BACH2: variants seen among roughly 807,000 people sequenced by gnomAD.
The protein encoded by BACH2 is BACH transcriptional regulator 2.
In BACH2, 5 loss-of-function variants were observed where a neutral mutation model predicts 61.8. The observed-to-expected ratio is 0.08, with a 90% CI of 0.04 to 0.17. BACH2 has a LOEUF of 0.17. BACH2 is among the 10% of genes least tolerant of loss of function. The pLI is 1.00. For missense variants in BACH2, 824 were observed against 1,091.1 expected (o/e 0.76, Z 3.45); for synonymous variants, 446 against 440.1 (o/e 1.01, Z -0.17).
intron 5 of BACH2, among the ~76,000 whole-genome samples, chr6:90,053,926 C>A (rs1780182342): frequency 6.6e-6 from 1 of 152,112 alleles, no homozygotes; most frequent in Non-Finnish European, 1.5e-5. Flanking sequence ...TTTAGATACA[C>A]TGCTTCCTAT....
chr6:90,154,637 C>G (rs1000350328), intron 4 of BACH2, among the ~76,000 whole-genome samples: 1 of 152,156 alleles, frequency 6.6e-6, no homozygotes, highest in African/African-American at 2.4e-5. Context: ...CAGCCTTGCT[C>G]CCAAGGAGCA....
intron 4 of BACH2, among the ~76,000 whole-genome samples, chr6:90,179,464 AG>A (rs1348110712): frequency 6.6e-6 from 1 of 152,186 alleles, no homozygotes; most frequent in African/African-American, 2.4e-5. Context: ...TGGATTTGGA[AG>A]GTTTTCTTCT....
At chr6:90,147,744 A>G (rs1004139413) in intron 4 of BACH2, among the ~76,000 whole-genome samples, 14 of 152,218 alleles carry the variant, frequency 9.2e-5, no homozygotes, top group Non-Finnish European at 1.8e-4. Context: ...AATTGAAAAA[A>G]TAAAGTTATC....
At chr6:90,029,341 G>T (rs1778821932) in intron 5 of BACH2, among the ~76,000 whole-genome samples, 1 of 152,106 alleles carries the variant, frequency 6.6e-6, no homozygotes, top group East Asian at 1.9e-4. Flanking sequence ...GATAAAGACT[G>T]TCTCCCGAGA....
intron 4 of BACH2, among the ~76,000 whole-genome samples, chr6:90,119,242 A>G (rs1228451600): frequency 6.6e-6 from 1 of 152,172 alleles, no homozygotes; most frequent in East Asian, 1.9e-4. Flanking sequence ...CCATGTGGCT[A>G]CATTTTAAAA....
intron 4 of BACH2, among the ~76,000 whole-genome samples, chr6:90,120,285 T>C (rs1783569923): frequency 6.6e-6 from 1 of 152,200 alleles, no homozygotes; most frequent in South Asian, 2.1e-4. Context: ...TTTGGCTTCG[T>C]TTCTTTATTC....
At chr6:90,144,459 GC>G (rs1487830696) in intron 4 of BACH2, among the ~76,000 whole-genome samples, 1 of 152,194 alleles carries the variant, frequency 6.6e-6, no homozygotes, top group African/African-American at 2.4e-5. Context: ...TATCCCTGAG[GC>G]CAGTAAGGCA....
At chr6:90,225,605 A>G (rs1014900843) in intron 3 of BACH2, among the ~76,000 whole-genome samples, 8 of 152,080 alleles carry the variant, frequency 5.3e-5, no homozygotes, top group African/African-American at 1.9e-4. Context: ...CGCATACTGG[A>G]GCCTGTTAGA....
At chr6:90,067,448 C>G (rs1456186161) in intron 5 of BACH2, among the ~76,000 whole-genome samples, 2 of 152,106 alleles carry the variant, frequency 1.3e-5, no homozygotes, top group Non-Finnish European at 2.9e-5. Context: ...CGATCAAACC[C>G]CAGGTGGCAC....
Position 89,932,827 on chromosome 6 carries a change from A to G in BACH2, c.2107T>C (p.Leu703=). 1 of 1,612,784 alleles carries G rather than the reference A, an allele frequency of 6.2e-7. No individual in the cohort carries two copies. The highest frequency in any genetic ancestry group is 8.5e-7 in the Non-Finnish European group (1 of 1,178,926). Residue 703 remains leucine (L), a synonymous_variant, in exon 9 of 9, where the codon TTG becomes CTG. Coordinates refer to ENST00000257749, the MANE Select transcript of BACH2 (RefSeq NM_021813.4). ...NQLKACMGEL[L]DNFSCLSQEV... ...TGGGAAAGGCAGGAGAAGTTGTCCA[A>G]CAGTTCCCCCATGCATGCTTTCAGT... is the stretch of plus-strand genomic sequence containing the variant.
intron 3 of BACH2, among the ~76,000 whole-genome samples, chr6:90,237,458 C>T (rs1274236356): frequency 6.6e-6 from 1 of 152,180 alleles, no homozygotes; most frequent in African/African-American, 2.4e-5. Context: ...CTTTACTTTA[C>T]AAAATGTTTC....
At chr6:90,173,839 T>TGATCATGATC (rs1757177210) in intron 4 of BACH2, among the ~76,000 whole-genome samples, 1 of 152,130 alleles carries the variant, frequency 6.6e-6, no homozygotes. Flanking sequence ...TATACCTTAA[T>TGATCATGATC]AAAGCTAGTA....
chr6:90,113,045 G>C (rs1783243027), intron 4 of BACH2, among the ~76,000 whole-genome samples: 1 of 152,138 alleles, frequency 6.6e-6, no homozygotes, highest in African/African-American at 2.4e-5. Context: ...AATTCAACAA[G>C]AACATCCTAA....
intron 6 of BACH2, among the ~76,000 whole-genome samples, chr6:89,998,585 G>C (rs1160411427): frequency 6.6e-6 from 1 of 152,056 alleles, no homozygotes; most frequent in East Asian, 1.9e-4. Flanking sequence ...CCTGCAATTT[G>C]GTTCAGAACC....
intron 3 of BACH2, among the ~76,000 whole-genome samples, chr6:90,229,392 G>A (rs1345659163): frequency 1.3e-5 from 2 of 152,042 alleles, no homozygotes; most frequent in African/African-American, 2.4e-5. Flanking sequence ...CTTGGGAGGC[G>A]GAGGTTGCGG....
intron 5 of BACH2, among the ~76,000 whole-genome samples, chr6:90,075,621 ATAT>A (rs1173349691): frequency 2.0e-5 from 3 of 152,120 alleles, no homozygotes; most frequent in African/African-American, 4.8e-5. Context: ...CAAATCCAAG[ATAT>A]TATTATCGTA....
At chr6:90,218,622 G>A (rs1248441034) in intron 3 of BACH2, among the ~76,000 whole-genome samples, 1 of 151,964 alleles carries the variant, frequency 6.6e-6, no homozygotes, top group Non-Finnish European at 1.5e-5. Flanking sequence ...CCAGGAGGGA[G>A]GAGAAGAATT....
intron 4 of BACH2, among the ~76,000 whole-genome samples, chr6:90,115,608 G>A (rs1024197148): frequency 4.6e-5 from 7 of 152,010 alleles, no homozygotes; most frequent in East Asian, 1.9e-4. Context: ...ACATAGGAAC[G>A]GGCAAAGATT....
intron 6 of BACH2, among the ~76,000 whole-genome samples, chr6:90,006,431 C>T (rs981286578): frequency 4.6e-5 from 7 of 152,172 alleles, no homozygotes; most frequent in African/African-American, 1.7e-4. Flanking sequence ...TTACTTGGTA[C>T]CCAGTCCCCA....
Sources: allele counts gnomAD v4.1 joint callset (sites outside exome capture counted in the v4.1 genomes callset), GRCh38; gene constraint gnomAD v4.1.1; transcripts MANE v1.5; gene names NCBI Gene and HGNC (gene_info 2026-07-23, HGNC 2026-07-21).